Variants in TMEM132D observed in about 807,000 individuals in gnomAD.
TMEM132D encodes mature OL transmembrane protein.
TMEM132D carries 21 observed loss-of-function variants against 62.3 expected under a neutral mutation model. The ratio of observed to expected loss-of-function variants is 0.34; its 90% CI spans 0.24 to 0.49. The LOEUF (loss-of-function observed/expected upper bound fraction) is 0.49. Ranked by LOEUF, TMEM132D falls within the 20% of genes least tolerant of loss-of-function variation. The pLI, the probability that TMEM132D is intolerant of heterozygous loss-of-function variation, is 0.99. For synonymous variants in TMEM132D, 621 were observed against 575.6 expected (o/e 1.08, Z -1.13); for missense variants, 1,346 against 1,402.8 (o/e 0.96, Z 0.65).
intron 3 of TMEM132D, among the ~76,000 whole-genome samples, chr12:129,418,438 C>T (rs10773655): frequency 0.46 from 70,161 of 151,900 alleles, 16,710 homozygotes; most frequent in East Asian, 0.76. Context: ...GAAACCATCA[C>T]CCTCAGCAAA....
At chr12:129,433,343 A>C (rs1381880319) in intron 3 of TMEM132D, among the ~76,000 whole-genome samples, 2 of 152,170 alleles carry the variant, frequency 1.3e-5, no homozygotes, top group Non-Finnish European at 2.9e-5. Context: ...ACACTTTTTC[A>C]ATGTTTAATA....
chr12:129,299,459 T>G (rs1881656449), intron 4 of TMEM132D, among the ~76,000 whole-genome samples: 1 of 150,706 alleles, frequency 6.6e-6, no homozygotes. Flanking sequence ...AGAAAAAATT[T>G]CAACTGTTTT....
intron 1 of TMEM132D, among the ~76,000 whole-genome samples, chr12:129,870,498 A>G (rs1874207222): frequency 6.6e-6 from 1 of 152,206 alleles, no homozygotes; most frequent in Admixed American, 6.5e-5. Context: ...GGTGGTGAAC[A>G]TCTTAATGTG....
chr12:129,270,979 TGG>T (rs1327614542), intron 4 of TMEM132D, among the ~76,000 whole-genome samples: 1 of 152,250 alleles, frequency 6.6e-6, no homozygotes, highest in Non-Finnish European at 1.5e-5. Flanking sequence ...CTGCCACCTG[TGG>T]TTGCACCCTG....
rs1353758512 is a variant in TMEM132D at position 129,535,770 on chromosome 12, TTGTGTGCGTG to T, written c.969-4575_969-4566del. Among the ~76,000 whole-genome samples the T allele has an allele frequency of 1.3e-3, 166 of 122,988 alleles. 1 individual carries two copies. Among genetic ancestry groups the T allele is most frequent in the African/African-American group, 4.6e-3 (153 of 33,520 alleles). The allele number at this position is 122,988 out of a possible 152,430, so 80.7% of individuals were successfully genotyped here. On this transcript the variant is annotated intron_variant, in intron 2 of 8. Coordinates refer to ENST00000422113, the MANE Select transcript of TMEM132D (RefSeq NM_133448.3). Reference sequence around the variant, plus strand: ...GTTTGTTGGGAGATTCATTTAAGATTTGTGTGCGTGTGTGTGTGTGTGTGTGTGTGTGTGT... The same window carrying T: ...GTTTGTTGGGAGATTCATTTAAGATTTGTGTGTGTGTGTGTGTGTGTGTGT...
At chr12:129,405,418 T>A (rs1301864493) in intron 3 of TMEM132D, among the ~76,000 whole-genome samples, 1 of 152,052 alleles carries the variant, frequency 6.6e-6, no homozygotes, top group Non-Finnish European at 1.5e-5. Flanking sequence ...AACATGTAAA[T>A]CTTGGGGAGA....
At chr12:129,255,479 T>G (rs1880376132) in intron 4 of TMEM132D, among the ~76,000 whole-genome samples, 1 of 152,342 alleles carries the variant, frequency 6.6e-6, no homozygotes, top group Non-Finnish European at 1.5e-5. Context: ...CAGTGTCAGC[T>G]TTATATAGTT....
intron 2 of TMEM132D, among the ~76,000 whole-genome samples, chr12:129,581,786 C>T (rs1877871398): frequency 6.6e-6 from 1 of 152,202 alleles, no homozygotes; most frequent in Non-Finnish European, 1.5e-5. Context: ...CACAGACACA[C>T]CCAGGGACAA....
chr12:129,460,003 G>A (rs7485852), intron 3 of TMEM132D, among the ~76,000 whole-genome samples: 148,721 of 152,292 alleles, frequency 0.98, 72,716 homozygotes, highest in East Asian at 1. Flanking sequence ...CCTTCCTGGA[G>A]TGTGTATAAA....
At position 129,074,556 on chromosome 12, in the gene TMEM132D, A is replaced by T. The variant is rs1424684543; in HGVS notation, c.2619T>A (p.Asp873Glu). 6.2e-7 allele frequency: 1 copy of T among 1,614,060 alleles called. No individual in the cohort carries two copies. Among genetic ancestry groups the T allele is most frequent in the Admixed American group, 1.7e-5 (1 of 60,020 alleles). Residue 873 changes from aspartate (D) to glutamate (E), a missense_variant, in exon 9 of 9, where the codon GAT (aspartate) becomes GAA (glutamate). Transcript: ENST00000422113. ...GGATGGTCTGCAAGTGGCTGTTGTC[A>T]TCTAAAAGGCTTTCCTGGCCTTTCT... ...QKKKGQESLL[D>E]DNSHLQTIPS...
At position 129,683,464 on chromosome 12, in the gene TMEM132D, T is replaced by C. The variant is rs773019408; in HGVS notation, c.968+16346A>G. On this transcript the variant is annotated intron_variant, in intron 2 of 8. Transcript: ENST00000422113. ...ATTTAATGAGTGCTGGCTATCATTA[T>C]TGCATTGAGCAATCTCATAAAATTT... is the stretch of plus-strand genomic sequence containing the variant. Among the ~76,000 whole-genome samples, 3 of 152,242 alleles carry C rather than the reference T, an allele frequency of 2.0e-5. No individual in the cohort carries two copies. In the South Asian group the frequency reaches 6.2e-4, roughly 32 times the overall value.
intron 2 of TMEM132D, among the ~76,000 whole-genome samples, chr12:129,584,779 G>C (rs1283747804): frequency 6.6e-6 from 1 of 151,684 alleles, no homozygotes; most frequent in Non-Finnish European, 1.5e-5. Flanking sequence ...CTCAGACAGT[G>C]TTAAAAAGAT....
At chr12:129,657,387 A>T (rs770274586) in intron 2 of TMEM132D, among the ~76,000 whole-genome samples, 1 of 151,206 alleles carries the variant, frequency 6.6e-6, no homozygotes, top group Non-Finnish European at 1.5e-5. Flanking sequence ...CAGGGAACAA[A>T]GGGATAGGAT....
At chr12:129,698,769 AAGAG>A (rs1239732576) in intron 2 of TMEM132D, among the ~76,000 whole-genome samples, 2 of 140,674 alleles carry the variant, frequency 1.4e-5, no homozygotes, top group Admixed American at 1.4e-4. Flanking sequence ...GGGAGGGAGA[AAGAG>A]AGAGGGAGAA....
chr12:129,546,226 C>A (rs1249862745), intron 2 of TMEM132D, among the ~76,000 whole-genome samples: 4 of 152,184 alleles, frequency 2.6e-5, no homozygotes, highest in Non-Finnish European at 4.4e-5. Flanking sequence ...TTTTATTTAA[C>A]AAATGTTTAT....
At chr12:129,596,645 T>C (rs1440148679) in intron 2 of TMEM132D, among the ~76,000 whole-genome samples, 1 of 152,254 alleles carries the variant, frequency 6.6e-6, no homozygotes, top group Non-Finnish European at 1.5e-5. Context: ...AAATGTTATA[T>C]AAATCATTGT....
chr12:129,550,648 G>A (rs1377292345), intron 2 of TMEM132D, among the ~76,000 whole-genome samples: 2 of 152,188 alleles, frequency 1.3e-5, no homozygotes, highest in African/African-American at 2.4e-5. Flanking sequence ...TAAACTGGTT[G>A]TAAACTACAA....
intron 3 of TMEM132D, among the ~76,000 whole-genome samples, chr12:129,467,521 G>C (rs753310509): frequency 2.6e-5 from 4 of 152,150 alleles, no homozygotes; most frequent in Non-Finnish European, 4.4e-5. Flanking sequence ...GATTGGCTGG[G>C]GCTGGGTGAC....
chr12:129,151,424 G>T (rs1877067576), intron 5 of TMEM132D, among the ~76,000 whole-genome samples: 1 of 152,212 alleles, frequency 6.6e-6, no homozygotes, highest in South Asian at 2.1e-4. Flanking sequence ...GGTGCAGAGA[G>T]GGGGCTGGGA....
Sources: allele counts gnomAD v4.1 joint callset (sites outside exome capture counted in the v4.1 genomes callset), GRCh38; gene constraint gnomAD v4.1.1; transcripts MANE v1.5; gene names NCBI Gene and HGNC (gene_info 2026-07-23, HGNC 2026-07-21).